The following FGF14 variants were observed in gnomAD, a reference collection of about 807,000 sequenced individuals.
FGF14 encodes fibroblast growth factor homologous factor 4.
In FGF14, 5 loss-of-function variants were observed where a neutral mutation model predicts 25.5. The observed-to-expected ratio is 0.20, with a 90% CI of 0.10 to 0.41. FGF14 has a LOEUF of 0.41. FGF14 is among the 10% of genes least tolerant of loss of function. FGF14 has a pLI of 1.00. For synonymous variants in FGF14, 138 were observed against 118.3 expected (o/e 1.17, Z -1.08); for missense variants, 222 against 320.1 (o/e 0.69, Z 2.34).
intron 1 of FGF14, among the ~76,000 whole-genome samples, chr13:102,089,229 A>G (rs1195992317): frequency 6.6e-6 from 1 of 152,190 alleles, no homozygotes; most frequent in Non-Finnish European, 1.5e-5. Context: ...TCTGTTACCA[A>G]TTGTTTCCAT....
intron 1 of FGF14, among the ~76,000 whole-genome samples, chr13:102,204,202 T>C (rs532596103): frequency 6.6e-6 from 1 of 152,346 alleles, no homozygotes; most frequent in Admixed American, 6.5e-5. Context: ...CATTGCTGTC[T>C]GGCCCACTTC....
chr13:101,782,743 T>C (rs923797949), intron 3 of FGF14, among the ~76,000 whole-genome samples: 2 of 152,240 alleles, frequency 1.3e-5, no homozygotes, highest in African/African-American at 2.4e-5. Flanking sequence ...GGCTGCATGG[T>C]ATTCTATGGT....
chr13:101,919,880 G>A (rs1016904298), upstream of FGF14, among the ~76,000 whole-genome samples: 1 of 150,718 alleles, frequency 6.6e-6, no homozygotes, highest in Non-Finnish European at 1.5e-5. Context: ...GACCCCTGGC[G>A]CAGCGCCTGA....
chr13:101,768,065 A>G (rs946249254), intron 3 of FGF14, among the ~76,000 whole-genome samples: 2 of 152,128 alleles, frequency 1.3e-5, no homozygotes, highest in Admixed American at 1.3e-4. Flanking sequence ...AAAACATAAA[A>G]ATCAACAACA....
chr13:101,723,971 G>A (rs1378349948), intron 4 of FGF14, among the ~76,000 whole-genome samples: 1 of 152,092 alleles, frequency 6.6e-6, no homozygotes, highest in Non-Finnish European at 1.5e-5. Context: ...CATTCCCTAT[G>A]TTCAAGGGGG....
Position 101,864,480 on chromosome 13 carries a change from T to C in FGF14, c.408+4245A>G, listed in dbSNP as rs866355236. On this transcript the variant is annotated intron_variant, in intron 3 of 4. Transcript: ENST00000376143. ...GGCAGAAGTGAGGGAGGGTGACCCT[T>C]ACAAACTGTTGATTCTCGGGCCTCC... Among the ~76,000 whole-genome samples, 154 of 152,244 alleles carry C rather than the reference T, an allele frequency of 1.0e-3. 1 individual carries two copies. Among genetic ancestry groups the C allele is most frequent in the African/African-American group, 3.5e-3 (146 of 41,562 alleles).
At chr13:102,238,870 T>G (rs57997300) in intron 1 of FGF14, among the ~76,000 whole-genome samples, 7,799 of 152,288 alleles carry the variant, frequency 0.051, 307 homozygotes, top group East Asian at 0.16. Flanking sequence ...GGTTCATGTG[T>G]CTGTCCTTAG....
intron 1 of FGF14, among the ~76,000 whole-genome samples, chr13:102,324,843 T>C (rs1594854065): frequency 6.6e-6 from 1 of 152,350 alleles, no homozygotes; most frequent in East Asian, 1.9e-4. Flanking sequence ...CAAATGTGAA[T>C]ACACTTAAAT....
intron 1 of FGF14, among the ~76,000 whole-genome samples, chr13:101,878,379 G>A (rs1346608870): frequency 6.6e-6 from 1 of 152,130 alleles, no homozygotes; most frequent in Non-Finnish European, 1.5e-5. Flanking sequence ...TGAAACTTCA[G>A]ATGACATCAA....
chr13:101,818,991 A>G (rs1485662920), intron 3 of FGF14, among the ~76,000 whole-genome samples: 1 of 152,216 alleles, frequency 6.6e-6, no homozygotes, highest in East Asian at 1.9e-4. Context: ...CCAGGTTACA[A>G]TCTGGGTCCT....
chr13:102,168,464 C>A (rs1432408499), intron 1 of FGF14, among the ~76,000 whole-genome samples: 2 of 152,100 alleles, frequency 1.3e-5, no homozygotes, highest in African/African-American at 2.4e-5. Context: ...CAGGCATGAG[C>A]CACTGCACCT....
intron 1 of FGF14, among the ~76,000 whole-genome samples, chr13:102,295,244 C>T (rs371830189): frequency 5.3e-5 from 8 of 152,056 alleles, no homozygotes; most frequent in African/African-American, 1.7e-4. Flanking sequence ...TATCTAAGCT[C>T]GGGGCATGGA....
intron 1 of FGF14, among the ~76,000 whole-genome samples, chr13:102,286,863 C>A (rs1038436285): frequency 6.6e-6 from 1 of 151,938 alleles, no homozygotes; most frequent in Admixed American, 6.6e-5. Flanking sequence ...CTAAAGAAGG[C>A]AAACATTTTC....
intron 1 of FGF14, among the ~76,000 whole-genome samples, chr13:102,383,703 C>T (rs140361963): frequency 6.6e-6 from 1 of 152,004 alleles, no homozygotes; most frequent in East Asian, 1.9e-4. Context: ...ACTGCTTTAG[C>T]TCCAGGATTG....
chr13:102,226,576 C>A (rs2050834627), intron 1 of FGF14, among the ~76,000 whole-genome samples: 1 of 152,156 alleles, frequency 6.6e-6, no homozygotes, highest in African/African-American at 2.4e-5. Context: ...TTCCTCCTGG[C>A]TTTCCTCTTA....
intron 1 of FGF14, among the ~76,000 whole-genome samples, chr13:102,010,756 C>G (rs763897726): frequency 2.0e-5 from 3 of 152,140 alleles, no homozygotes; most frequent in Admixed American, 6.5e-5. Flanking sequence ...GCCCAGATTA[C>G]TGTATTTTAG....
chr13:102,340,859 C>T (rs980212199), intron 1 of FGF14, among the ~76,000 whole-genome samples: 3 of 152,170 alleles, frequency 2.0e-5, no homozygotes, highest in African/African-American at 7.2e-5. Flanking sequence ...ATATCCCATG[C>T]ATGTGTAATA....
intron 1 of FGF14, among the ~76,000 whole-genome samples, chr13:101,999,902 T>A (rs1325154615): frequency 6.6e-6 from 1 of 152,204 alleles, no homozygotes; most frequent in Admixed American, 6.5e-5. Context: ...GGTTTCTCCA[T>A]AGGTCACTCA....
intron 1 of FGF14, among the ~76,000 whole-genome samples, chr13:102,368,222 A>G (rs2057774496): frequency 6.6e-6 from 1 of 152,252 alleles, no homozygotes; most frequent in Non-Finnish European, 1.5e-5. Context: ...ACATAAAATA[A>G]TACTTATTTT....
Sources: gnomAD v4.1 joint callset for allele counts (sites outside exome capture counted in the v4.1 genomes callset) on GRCh38, gnomAD v4.1.1 for gene constraint, MANE v1.5 for transcripts, NCBI Gene and HGNC (gene_info 2026-07-23, HGNC 2026-07-21) for gene names.